NLGN1: variants seen among roughly 807,000 people sequenced by gnomAD.
NLGN1 encodes neuroligin 1.
NLGN1 carries 12 observed loss-of-function variants against 65.5 expected under a neutral mutation model. The observed-to-expected ratio is 0.18, with a 90% CI of 0.12 to 0.30. The LOEUF (loss-of-function observed/expected upper bound fraction) is 0.30, where lower values mean the gene tolerates loss of function less well. Ranked by LOEUF, NLGN1 falls within the 10% of genes least tolerant of loss-of-function variation. The pLI, the probability that NLGN1 is intolerant of heterozygous loss-of-function variation, is 1.00. For missense variants in NLGN1, 750 were observed against 1,007.1 expected, an observed-to-expected ratio of 0.74 and a Z score of 3.46; for synonymous variants, 350 against 359.5, an observed-to-expected ratio of 0.97 and a Z score of 0.30.
At chr3:173,784,229 G>T (rs748754379) in intron 3 of NLGN1, among the ~76,000 whole-genome samples, 2 of 152,086 alleles carry the variant, frequency 1.3e-5, no homozygotes, top group Non-Finnish European at 2.9e-5. Context: ...GATATTCTAG[G>T]TGTAAAACTT....
chr3:173,727,763 A>G (rs1772045457), intron 3 of NLGN1, among the ~76,000 whole-genome samples: 2 of 152,160 alleles, frequency 1.3e-5, no homozygotes, highest in Non-Finnish European at 2.9e-5. Context: ...ATTTCGGTTT[A>G]AAGTGACTTT....
chr3:173,601,926 A>G (rs1383887197), intron 2 of NLGN1, among the ~76,000 whole-genome samples: 1 of 152,074 alleles, frequency 6.6e-6, no homozygotes, highest in African/African-American at 2.4e-5. Context: ...GAAGAAACAT[A>G]AAATACTTTT....
intron 4 of NLGN1, among the ~76,000 whole-genome samples, chr3:174,176,665 A>G (rs1283631905): frequency 6.6e-6 from 1 of 152,088 alleles, no homozygotes; most frequent in Non-Finnish European, 1.5e-5. Context: ...AGTGAATAGT[A>G]ACTTTGTAGT....
intron 2 of NLGN1, among the ~76,000 whole-genome samples, chr3:173,590,986 T>C (rs768044056): frequency 9.9e-5 from 15 of 152,116 alleles, no homozygotes; most frequent in Non-Finnish European, 1.9e-4. Context: ...TCAGGGAACG[T>C]TGGAATTACT....
intron 1 of NLGN1, among the ~76,000 whole-genome samples, chr3:173,400,882 G>A (rs540107985): frequency 5.3e-5 from 8 of 152,264 alleles, no homozygotes; most frequent in African/African-American, 1.4e-4. Flanking sequence ...AGAAAACTTG[G>A]CTAACCGTGG....
Position 173,785,432 on chromosome 3 carries a change from A to G in NLGN1, c.494-22248A>G, listed in dbSNP as rs576299755. Among the ~76,000 whole-genome samples, 15 of 152,304 alleles carry G rather than the reference A, an allele frequency of 9.8e-5. No homozygotes were observed. The East Asian group carries it at 2.5e-3, about 25-fold the overall frequency. The stretch of plus-strand genomic sequence containing the variant: ...GTTGGGTTCGTTGTTTTATCTAAAA[A>G]TGATTTTCTTCTCCCAGCCTTAGTT... On this transcript the variant is annotated intron_variant, in intron 3 of 6. Transcript: ENST00000457714.
chr3:173,622,992 C>T (rs1319983019), intron 3 of NLGN1, among the ~76,000 whole-genome samples: 1 of 152,112 alleles, frequency 6.6e-6, no homozygotes, highest in Non-Finnish European at 1.5e-5. Flanking sequence ...AACAGAGCTT[C>T]TAAATGCATT....
At chr3:173,590,152 T>G (rs1415889793) in intron 2 of NLGN1, among the ~76,000 whole-genome samples, 3 of 152,122 alleles carry the variant, frequency 2.0e-5, no homozygotes, top group Admixed American at 6.6e-5. Flanking sequence ...CTTGAGCAAT[T>G]TAATAGTTAA....
chr3:173,517,519 T>C (rs1733996293), intron 2 of NLGN1, among the ~76,000 whole-genome samples: 1 of 152,052 alleles, frequency 6.6e-6, no homozygotes, highest in African/African-American at 2.4e-5. Flanking sequence ...GACTAATATA[T>C]ATATATTTCA....
At chr3:173,512,171 T>C (rs139527852) in intron 2 of NLGN1, among the ~76,000 whole-genome samples, 1 of 152,342 alleles carries the variant, frequency 6.6e-6, no homozygotes, top group Non-Finnish European at 1.5e-5. Flanking sequence ...TGTTATCAGC[T>C]CAGTGGGCCC....
intron 2 of NLGN1, among the ~76,000 whole-genome samples, chr3:173,549,676 T>G (rs537956864): frequency 2.2e-4 from 33 of 152,014 alleles, no homozygotes; most frequent in Non-Finnish European, 4.1e-4. Flanking sequence ...TTGTAAAAAT[T>G]GTTTGAAGCA....
At chr3:173,517,784 A>ATCTG (rs1443128139) in intron 2 of NLGN1, among the ~76,000 whole-genome samples, 4 of 151,794 alleles carry the variant, frequency 2.6e-5, no homozygotes, top group Admixed American at 6.6e-5. Flanking sequence ...CTATCTATCT[A>ATCTG]TCTATCTATC....
chr3:174,076,724 A>AGTGTGTGT (rs143103332), intron 4 of NLGN1, among the ~76,000 whole-genome samples: 6 of 82,044 alleles, frequency 7.3e-5, no homozygotes, highest in African/African-American at 1.6e-4. Context: ...AGAGAGAGAG[A>AGTGTGTGT]GTGTGTGTGT....
intron 4 of NLGN1, among the ~76,000 whole-genome samples, chr3:174,249,100 T>C (rs1015942658): frequency 1.3e-5 from 2 of 152,222 alleles, no homozygotes; most frequent in African/African-American, 4.8e-5. Context: ...CCTTAGACTC[T>C]GAATAAAATG....
At chr3:173,849,786 C>G (rs1726535854) in intron 4 of NLGN1, among the ~76,000 whole-genome samples, 1 of 152,120 alleles carries the variant, frequency 6.6e-6, no homozygotes, top group Non-Finnish European at 1.5e-5. Flanking sequence ...GAGCAGATGA[C>G]TTCATGTTCC....
In NLGN1 at chr3:173,747,801, C is replaced by CTTTTTTTTTTTTTTTTTTTTTT. The variant is rs749749824; in HGVS notation, c.494-59870_494-59849dup. 2.3e-4 allele frequency among the ~76,000 whole-genome samples: 15 copies of CTTTTTTTTTTTTTTTTTTTTTT among 64,422 alleles called. 4 individuals carry two copies. Among genetic ancestry groups the CTTTTTTTTTTTTTTTTTTTTTT allele is most frequent in the African/African-American group, 7.5e-4 (12 of 16,084 alleles). The allele number at this position is 64,422 out of a possible 152,430, so 42.3% of individuals were successfully genotyped here. A position where few individuals can be genotyped will look rare whatever the true frequency, so the allele number is the denominator to read the frequency against. On this transcript the variant is annotated intron_variant, in intron 3 of 6. Transcript: ENST00000457714. ...AATTTTCTTTCTTCTTCTTCTTGTTCTTTTTTTTTTTTTTTTTTTTTTTTT... is the reference window on the plus strand; with the variant it reads ...AATTTTCTTTCTTCTTCTTCTTGTTCTTTTTTTTTTTTTTTTTTTTTTTTTTTTTTTTTTTTTTTTTTTTTTT...
chr3:174,014,714 A>C (rs1185114041), intron 4 of NLGN1, among the ~76,000 whole-genome samples: 3 of 152,180 alleles, frequency 2.0e-5, no homozygotes, highest in African/African-American at 7.2e-5. Flanking sequence ...TTTGAACCCT[A>C]GTTAAGAAGC....
intron 1 of NLGN1, among the ~76,000 whole-genome samples, chr3:173,406,526 T>TAC (rs1217458323): frequency 6.7e-6 from 1 of 148,482 alleles, no homozygotes; most frequent in African/African-American, 2.4e-5. Context: ...TATATATGAA[T>TAC]AGATATATAT....
chr3:174,137,551 T>G (rs529648560), intron 4 of NLGN1, among the ~76,000 whole-genome samples: 9 of 152,164 alleles, frequency 5.9e-5, no homozygotes, highest in African/African-American at 1.9e-4. Context: ...TTGTTGGAAA[T>G]CTCAAATAAG....
Sources: allele counts gnomAD v4.1 joint callset (sites outside exome capture counted in the v4.1 genomes callset), GRCh38; gene constraint gnomAD v4.1.1; transcripts MANE v1.5; gene names NCBI Gene and HGNC (gene_info 2026-07-23, HGNC 2026-07-21).